Variants in MYO16 observed in about 807,000 individuals in gnomAD.
MYO16 encodes the protein myosin XVI.
In MYO16, 94 loss-of-function variants were observed where a neutral mutation model predicts 205.3. The observed-to-expected ratio is 0.46, with a 90% CI of 0.39 to 0.54. MYO16 has a LOEUF of 0.54. Ranked by LOEUF, MYO16 falls within the 20% of genes least tolerant of loss-of-function variation. MYO16 has a pLI of 0.00. For synonymous variants in MYO16, 988 were observed against 954.0 expected (o/e 1.04, Z -0.66); for missense variants, 2,315 against 2,387.5 (o/e 0.97, Z 0.63).
chr13:108,741,057 G>A (rs1566581267), intron 4 of MYO16, among the ~76,000 whole-genome samples: 1 of 152,238 alleles, frequency 6.6e-6, no homozygotes, highest in South Asian at 2.1e-4. Context: ...CTAGGAAAGG[G>A]AATTCCCTGA....
intron 31 of MYO16, among the ~76,000 whole-genome samples, chr13:109,133,842 G>A (rs778070927): frequency 2.0e-5 from 3 of 152,106 alleles, no homozygotes; most frequent in African/African-American, 4.8e-5. Context: ...ACACACACCC[G>A]GAAGTAGCCA....
intron 3 of MYO16, among the ~76,000 whole-genome samples, chr13:108,717,716 A>G (rs1884003665): frequency 6.6e-6 from 1 of 152,150 alleles, no homozygotes; most frequent in East Asian, 1.9e-4. Context: ...GGGTTACAGA[A>G]TAGTGCATAT....
intron 8 of MYO16, among the ~76,000 whole-genome samples, chr13:108,822,892 C>G (rs916376451): frequency 6.6e-6 from 1 of 152,128 alleles, no homozygotes; most frequent in African/African-American, 2.4e-5. Context: ...CCAGTCTATA[C>G]TATTTTCTAT....
At chr13:108,953,601 C>T (rs1883239374) in intron 16 of MYO16, among the ~76,000 whole-genome samples, 1 of 149,250 alleles carries the variant, frequency 6.7e-6, no homozygotes, top group Non-Finnish European at 1.5e-5. Flanking sequence ...TCAAATATTA[C>T]TTAAATATGT....
chr13:108,741,337 C>T (rs546296528), intron 4 of MYO16, among the ~76,000 whole-genome samples: 6 of 152,230 alleles, frequency 3.9e-5, no homozygotes, highest in East Asian at 3.9e-4. Flanking sequence ...TGACTCACTC[C>T]GAATGAAGAC....
intron 1 of MYO16, among the ~76,000 whole-genome samples, chr13:108,617,401 G>A (rs1879386220): frequency 6.6e-6 from 1 of 152,186 alleles, no homozygotes; most frequent in Non-Finnish European, 1.5e-5. Flanking sequence ...GCAGATTTCA[G>A]CTATGATAGC....
intron 10 of MYO16, among the ~76,000 whole-genome samples, chr13:108,846,270 C>G (rs1877513224): frequency 6.6e-6 from 1 of 152,088 alleles, no homozygotes; most frequent in Non-Finnish European, 1.5e-5. Flanking sequence ...ATATTTAAGA[C>G]TCAAATTAGT....
At chr13:109,010,045 G>A (rs1299500033) in intron 22 of MYO16, among the ~76,000 whole-genome samples, 3 of 152,066 alleles carry the variant, frequency 2.0e-5, no homozygotes, top group Non-Finnish European at 2.9e-5. Context: ...AACTTGCATG[G>A]GCCATATTTA....
intron 5 of MYO16, among the ~76,000 whole-genome samples, chr13:108,786,818 G>T (rs571838439): frequency 2.5e-4 from 38 of 152,298 alleles, no homozygotes; most frequent in Admixed American, 2.5e-3. Flanking sequence ...GCTGGGTTGG[G>T]TTAGCAGTGC....
intron 1 of MYO16, among the ~76,000 whole-genome samples, chr13:108,641,979 C>T (rs1404760104): frequency 2.0e-5 from 3 of 152,178 alleles, no homozygotes; most frequent in African/African-American, 7.2e-5. Flanking sequence ...TCCACTGCTA[C>T]TTATGGGACC....
intron 14 of MYO16, among the ~76,000 whole-genome samples, chr13:108,895,353 A>T (rs894871712): frequency 6.6e-6 from 1 of 152,176 alleles, no homozygotes; most frequent in Non-Finnish European, 1.5e-5. Context: ...GCAGCGGAAT[A>T]ATGCCAGTTT....
intron 9 of MYO16, among the ~76,000 whole-genome samples, chr13:108,831,936 A>T (rs1312337140): frequency 6.6e-6 from 1 of 152,120 alleles, no homozygotes; most frequent in East Asian, 1.9e-4. Flanking sequence ...GAGAAAAATC[A>T]ATGTCCATTT....
the MYO16 span, among the ~76,000 whole-genome samples, chr13:108,563,224 A>G: frequency 6.6e-6 from 1 of 152,186 alleles, no homozygotes; most frequent in South Asian, 2.1e-4. Context: ...GGTACATAGT[A>G]GGTGTGTCTA....
chr13:108,570,134 ATT>A, the MYO16 span, among the ~76,000 whole-genome samples: 1 of 152,126 alleles, frequency 6.6e-6, no homozygotes, highest in African/African-American at 2.4e-5. Flanking sequence ...GCCTCAAATA[ATT>A]ACTTAGGGTG....
intron 14 of MYO16, among the ~76,000 whole-genome samples, chr13:108,892,326 A>G (rs1025573172): frequency 5.3e-5 from 8 of 151,974 alleles, no homozygotes; most frequent in Admixed American, 6.6e-5. Flanking sequence ...TGCTCACTCC[A>G]TTTCCCAGGT....
At chr13:108,618,281 C>T (rs530951874) in intron 1 of MYO16, among the ~76,000 whole-genome samples, 1 of 152,254 alleles carries the variant, frequency 6.6e-6, no homozygotes, top group Admixed American at 6.5e-5. Context: ...ACTACAGACT[C>T]TCTCCCAAGA....
chr13:109,125,541 C>T lies in MYO16; in HGVS notation c.3782+183C>T, dbSNP rs1002069207. Among the ~76,000 whole-genome samples the T allele has an allele frequency of 6.6e-6, 1 of 152,170 alleles. No individual in the cohort carries two copies. Among genetic ancestry groups the T allele is most frequent in the African/African-American group, 2.4e-5 (1 of 41,444 alleles). ...AAGATGCTTTCCTGTGCTGTCTTCT[C>T]ACGAGTTCAAGGCTTTCTGTGTTCC... On this transcript the variant is annotated intron_variant, in intron 30 of 34. Transcript: ENST00000457511. The surrounding 1 kb of genome is among the most constrained non-coding windows in gnomAD (Gnocchi z 4.0).
chr13:109,036,738 A>AGACGCT (rs1275905123), intron 23 of MYO16, among the ~76,000 whole-genome samples: 1 of 152,230 alleles, frequency 6.6e-6, no homozygotes, highest in East Asian at 1.9e-4. Context: ...CATGCATGAG[A>AGACGCT]GACGCTGCCA....
chr13:108,667,969 A>G (rs1247396549), intron 2 of MYO16, among the ~76,000 whole-genome samples: 2 of 152,104 alleles, frequency 1.3e-5, no homozygotes, highest in Non-Finnish European at 2.9e-5. Flanking sequence ...GAGCCTGGGG[A>G]TTAAGGATAT....
Sources: allele counts gnomAD v4.1 joint callset (sites outside exome capture counted in the v4.1 genomes callset), GRCh38; gene constraint gnomAD v4.1.1; non-coding constraint Gnocchi (gnomAD v3.1); transcripts MANE v1.5; gene names NCBI Gene and HGNC (gene_info 2026-07-23, HGNC 2026-07-21).